The following LGSN variants were observed in gnomAD, a reference collection of about 807,000 sequenced individuals.
LGSN encodes the protein lengsin.
In LGSN, 21 loss-of-function variants were observed where a neutral mutation model predicts 19.5. The observed-to-expected ratio is 1.07, with a 90% CI of 0.76 to 1.55. The LOEUF is 1.55. LGSN is among the 40% of genes most tolerant of loss of function. The pLI, the probability that LGSN is intolerant of heterozygous loss-of-function variation, is 0.00. For missense variants in LGSN, 673 were observed against 608.5 expected (o/e 1.11, Z -1.12); for synonymous variants, 257 against 215.6 (o/e 1.19, Z -1.68).
chr6:63,292,889 T>C (rs1767832455), intron 2 of LGSN, among the ~76,000 whole-genome samples: 1 of 152,190 alleles, frequency 6.6e-6, no homozygotes, highest in Non-Finnish European at 1.5e-5. Flanking sequence ...CCAAAACTTG[T>C]AATTGGTGTC....
chr6:63,352,832 T>C, the LGSN span, among the ~76,000 whole-genome samples: 1 of 152,012 alleles, frequency 6.6e-6, no homozygotes, highest in South Asian at 2.1e-4. Flanking sequence ...AGAGTAAGGA[T>C]TAAGGGAACC....
At chr6:63,492,999 G>A in the LGSN span, among the ~76,000 whole-genome samples, 2 of 152,164 alleles carry the variant, frequency 1.3e-5, no homozygotes, top group Admixed American at 6.5e-5. Context: ...TTTGGGTTAT[G>A]TTTGTAGATG....
At chr6:63,455,948 A>G in the LGSN span, among the ~76,000 whole-genome samples, 69,002 of 150,226 alleles carry the variant, frequency 0.46, 17,462 homozygotes, top group Non-Finnish European at 0.56. Context: ...TAAAAACAAG[A>G]GCCAGGTGCA....
chr6:63,522,705 T>A, the LGSN span, among the ~76,000 whole-genome samples: 1 of 152,182 alleles, frequency 6.6e-6, no homozygotes, highest in African/African-American at 2.4e-5. Flanking sequence ...ATTGCTCATA[T>A]GTTTACTCAC....
chr6:63,398,207 TAAAAAA>T, the LGSN span, among the ~76,000 whole-genome samples: 2 of 109,746 alleles, frequency 1.8e-5, no homozygotes, highest in African/African-American at 5.8e-5. Context: ...TCCTATTTAC[TAAAAAA>T]AAAAAAAAAA....
At chr6:63,416,857 C>T in the LGSN span, among the ~76,000 whole-genome samples, 2 of 151,736 alleles carry the variant, frequency 1.3e-5, no homozygotes, top group African/African-American at 4.8e-5. Flanking sequence ...CATGAGCCAC[C>T]GCACCTGGCC....
At chr6:63,473,400 G>A in the LGSN span, among the ~76,000 whole-genome samples, 12 of 145,246 alleles carry the variant, frequency 8.3e-5, no homozygotes, top group Non-Finnish European at 1.6e-4. Context: ...CCTGAACCCA[G>A]GAGGCAGAGG....
the LGSN span, chr6:63,441,647 G>A: frequency 2.1e-6 from 1 of 480,558 alleles, no homozygotes; most frequent in East Asian, 5.2e-5. Context: ...GAAGGCAGAG[G>A]AGAAAGAGTG....
chr6:63,342,465 G>A, the LGSN span, among the ~76,000 whole-genome samples: 4 of 152,154 alleles, frequency 2.6e-5, no homozygotes, highest in Non-Finnish European at 5.9e-5. Flanking sequence ...CATGACACAT[G>A]CTATGATTCA....
upstream of LGSN, among the ~76,000 whole-genome samples, chr6:63,321,506 C>A (rs1045600157): frequency 6.6e-6 from 1 of 152,098 alleles, no homozygotes; most frequent in Non-Finnish European, 1.5e-5. Context: ...TGATTCATTT[C>A]ATCTTCTTTT....
At chr6:63,511,246 CTTTTTTTTTTTTT>C in the LGSN span, among the ~76,000 whole-genome samples, 78,524 of 132,562 alleles carry the variant, frequency 0.59, 23,154 homozygotes, top group African/African-American at 0.79. Context: ...AAATAGATTT[CTTTTTTTTTTTTT>C]TTTTTTTTTT....
At chr6:63,558,825 A>G in the LGSN span, among the ~76,000 whole-genome samples, 2 of 152,214 alleles carry the variant, frequency 1.3e-5, no homozygotes, top group African/African-American at 4.8e-5. Flanking sequence ...AAGCCATCCC[A>G]GGGGCCCCCA....
At chr6:63,512,095 C>A in the LGSN span, among the ~76,000 whole-genome samples, 1 of 128,060 alleles carries the variant, frequency 7.8e-6, no homozygotes, top group Non-Finnish European at 1.7e-5. Context: ...TTTTTTTTTT[C>A]TTTTTGAGAC....
the LGSN span, among the ~76,000 whole-genome samples, chr6:63,423,241 T>A: frequency 5.9e-5 from 9 of 152,110 alleles, no homozygotes; most frequent in Non-Finnish European, 1.3e-4. Context: ...AGCTACTCAG[T>A]AGGCTGAGGT....
intron 1 of LGSN, among the ~76,000 whole-genome samples, chr6:63,299,943 A>G (rs189999426): frequency 3.5e-4 from 53 of 152,274 alleles, no homozygotes; most frequent in African/African-American, 1.2e-3. Flanking sequence ...GATTGTCTGT[A>G]AGCTGACACT....
the LGSN span, among the ~76,000 whole-genome samples, chr6:63,465,973 CTTGT>C: frequency 1.7e-3 from 256 of 152,266 alleles, no homozygotes; most frequent in Non-Finnish European, 2.9e-3. Flanking sequence ...TCGGGATTGC[CTTGT>C]TTGTTTGTCT....
At chr6:63,412,907 A>AAAGGAAGGAAGAAAGG in the LGSN span, among the ~76,000 whole-genome samples, 4 of 149,690 alleles carry the variant, frequency 2.7e-5, no homozygotes, top group Non-Finnish European at 5.9e-5. Context: ...AGAGAGAGAG[A>AAAGGAAGGAAGAAAGG]AAGGAAGGAA....
chr6:63,454,318 A>T, the LGSN span, among the ~76,000 whole-genome samples: 1 of 152,314 alleles, frequency 6.6e-6, no homozygotes, highest in African/African-American at 2.4e-5. Flanking sequence ...GAGAAAAAAT[A>T]AATTCTTACC....
At position 63,280,741 on chromosome 6, in the gene LGSN, G is replaced by C. The variant is rs750744375; in HGVS notation, c.810C>G (p.Phe270Leu). The C allele has an allele frequency of 6.2e-7, 1 of 1,614,134 alleles. No homozygotes were observed. Among genetic ancestry groups the C allele is most frequent in the South Asian group, 1.1e-5 (1 of 91,084 alleles). Reference protein sequence around the residue: ...STRPGQMEISFLPEFGISSAD... With the variant: ...STRPGQMEISLLPEFGISSAD... The stretch of plus-strand genomic sequence containing the variant: ...CTGAGCTAATGCCAAATTCAGGCAG[G>C]AAAGAGATTTCCATCTGACCAGGCC... The change falls in exon 4 of 4, where the codon TTC becomes TTG. Residue 270 changes from phenylalanine to leucine, a missense_variant. Phe to Leu is a conservative substitution (Grantham distance 22). Transcript: ENST00000370657.
Sources: allele counts gnomAD v4.1 joint callset (sites outside exome capture counted in the v4.1 genomes callset), GRCh38; gene constraint gnomAD v4.1.1; transcripts MANE v1.5; gene names NCBI Gene and HGNC (gene_info 2026-07-23, HGNC 2026-07-21).